The following TLCD4 variants were observed in gnomAD, a reference collection of about 807,000 sequenced individuals.
TLCD4 encodes the protein TLC domain containing 4.
TLCD4 carries 7 observed loss-of-function variants against 24.2 expected under a neutral mutation model. That is an observed-to-expected ratio of 0.29 (90% CI 0.16 to 0.54). The LOEUF (loss-of-function observed/expected upper bound fraction) is 0.54. Among genes scored for constraint, TLCD4 ranks in the 20% least tolerant of loss-of-function variants. TLCD4 has a pLI of 0.95. For synonymous variants in TLCD4, 103 were observed against 106.4 expected (o/e 0.97, Z 0.20); for missense variants, 259 against 313.9 (o/e 0.82, Z 1.32).
Position 95,191,803 on chromosome 1 carries a change from A to G in TLCD4, c.727A>G (p.Lys243Glu). ...WMIKISKGCI[K>E]VISHIRQEKA... ...GATCAAAATTTCAAAAGGTTGCATC[A>G]AAGTCATCTCTCACATCAGACAAGA... is the stretch of plus-strand genomic sequence containing the variant. The change falls in exon 7 of 7, where the codon AAA becomes GAA. Residue 243 changes from lysine to glutamate, a missense_variant. Physicochemically the swap from Lys to Glu is moderately conservative, Grantham distance 56. Transcript: ENST00000370203. 1 of 1,614,216 alleles carries G rather than the reference A, an allele frequency of 6.2e-7. No individual in the cohort carries two copies. Among genetic ancestry groups the G allele is most frequent in the Non-Finnish European group, 8.5e-7 (1 of 1,180,026 alleles).
chr1:95,129,018 A>G (rs554562352), intron 1 of TLCD4, among the ~76,000 whole-genome samples: 1 of 152,320 alleles, frequency 6.6e-6, no homozygotes, highest in Admixed American at 6.5e-5. Context: ...CTGAGAGTGG[A>G]TGACACAGAG....
intron 5 of TLCD4, among the ~76,000 whole-genome samples, chr1:95,166,686 A>G: frequency 6.6e-6 from 1 of 152,166 alleles, no homozygotes; most frequent in Admixed American, 6.5e-5. Context: ...GCAGGAAGGA[A>G]TAGGCCGTTT....
Position 95,145,384 on chromosome 1 carries a change from G to GAATTTA in TLCD4, c.155+1330_155+1335dup, listed in dbSNP as rs1261494623. Among the ~76,000 whole-genome samples the GAATTTA allele has an allele frequency of 3.9e-5, 6 of 152,142 alleles. No homozygotes were observed. The South Asian group carries it at 6.2e-4, about 16-fold the overall frequency. ...CATCTACTTTTATGATTCAGACTGT[G>GAATTTA]AATTTAATAAGACTCTAGTTGTTTT... On this transcript the variant is annotated intron_variant, in intron 2 of 6. Coordinates refer to ENST00000370203, the MANE Select transcript of TLCD4 (RefSeq NM_152487.3).
At chr1:95,118,242 T>A (rs1676483341) in intron 1 of TLCD4, among the ~76,000 whole-genome samples, 1 of 152,222 alleles carries the variant, frequency 6.6e-6, no homozygotes, top group Non-Finnish European at 1.5e-5. Context: ...AATTGGTTTC[T>A]ATTTCCATCT....
the TLCD4 span, among the ~76,000 whole-genome samples, chr1:95,100,968 C>T: frequency 1.3e-4 from 19 of 150,842 alleles, no homozygotes; most frequent in Middle Eastern, 6.9e-3. Flanking sequence ...AGTGCAGTGG[C>T]GCAATCTCAG....
chr1:95,093,737 C>A, the TLCD4 span, among the ~76,000 whole-genome samples: 1 of 152,208 alleles, frequency 6.6e-6, no homozygotes, highest in African/African-American at 2.4e-5. Flanking sequence ...AACCAGGATT[C>A]TCTTCTATGT....
chr1:95,105,819 C>G, the TLCD4 span, among the ~76,000 whole-genome samples: 1 of 142,446 alleles, frequency 7.0e-6, no homozygotes, highest in African/African-American at 2.5e-5. Context: ...GGCGTGAACC[C>G]GCGAGGCGGA....
Position 95,117,503 on chromosome 1 carries a change from C to A in TLCD4, c.-126C>A, listed in dbSNP as rs1261639810. ...TGAGCATCTCACCGGGCGGCACTGG[C>A]CAGCGCCAGCCCTCGGGCCGGCCCG... On this transcript the variant is annotated 5_prime_UTR_variant, in exon 1 of 7. Coordinates refer to ENST00000370203, the MANE Select transcript of TLCD4 (RefSeq NM_152487.3). The A allele has an allele frequency of 6.6e-6, 1 of 152,132 alleles. No individual in the cohort carries two copies. Among genetic ancestry groups the A allele is most frequent in the South Asian group, 2.1e-4 (1 of 4,836 alleles). The allele number at this position is 152,132 out of a possible 1,614,324, so 9.4% of individuals were successfully genotyped here.
chr1:95,160,777 T>C (rs1677769429), intron 5 of TLCD4, among the ~76,000 whole-genome samples: 1 of 152,230 alleles, frequency 6.6e-6, no homozygotes, highest in African/African-American at 2.4e-5. Flanking sequence ...TTTTCGTCTT[T>C]GGTTCTGTTT....
intron 5 of TLCD4, among the ~76,000 whole-genome samples, chr1:95,172,758 GT>G (rs1678273069): frequency 6.6e-6 from 1 of 151,900 alleles, no homozygotes. Context: ...GCTTCATATT[GT>G]TCTCATTTGG....
At position 95,195,204 on chromosome 1, in the gene TLCD4, G is replaced by A. The variant is rs1246487059; in HGVS notation, c.*3336G>A. ...TCCTCTGAGGCACACTGGGCATTTG[G>A]AGAATGGTTCTTCACTGGTGTAGAG... On this transcript the variant is annotated 3_prime_UTR_variant, in exon 7 of 7. Transcript: ENST00000370203. The A allele has an allele frequency of 1.3e-5, 2 of 152,138 alleles. No homozygotes were observed. Among genetic ancestry groups the A allele is most frequent in the Non-Finnish European group, 2.9e-5 (2 of 68,010 alleles). 9.4% of individuals were successfully genotyped at this position (152,138 alleles called of 1,614,324 possible).
chr1:95,138,849 G>T (rs1198819230), intron 1 of TLCD4, among the ~76,000 whole-genome samples: 2 of 151,986 alleles, frequency 1.3e-5, no homozygotes, highest in African/African-American at 4.8e-5. Context: ...AAGTATTTGT[G>T]TATCTAAACA....
At chr1:95,092,755 C>T in the TLCD4 span, among the ~76,000 whole-genome samples, 1 of 152,236 alleles carries the variant, frequency 6.6e-6, no homozygotes, top group East Asian at 1.9e-4. Context: ...TCCGCGGCTT[C>T]ATTCTTCAAG....
In TLCD4 at chr1:95,195,499, A is replaced by G. The variant is rs190973784; in HGVS notation, c.*3631A>G. ...TCTATTAGCTGAAATGGAAAAGTTC[A>G]TGTATTGACATCATCAATAATACTT... On this transcript the variant is annotated 3_prime_UTR_variant, in exon 7 of 7. Transcript: ENST00000370203. 6.6e-6 allele frequency: 1 copy of G among 152,344 alleles called. No homozygotes were observed. Among genetic ancestry groups the G allele is most frequent in the African/African-American group, 2.4e-5 (1 of 41,592 alleles). The allele number at this position is 152,344 out of a possible 1,614,324, so 9.4% of individuals were successfully genotyped here.
At chr1:95,114,019 C>G (rs1184748912), upstream of TLCD4, among the ~76,000 whole-genome samples, 1 of 152,028 alleles carries the variant, frequency 6.6e-6, no homozygotes, top group Non-Finnish European at 1.5e-5. Flanking sequence ...ATAGTTTCAT[C>G]TGAAAACAAA....
chr1:95,106,002 G>A, the TLCD4 span, among the ~76,000 whole-genome samples: 8 of 152,078 alleles, frequency 5.3e-5, no homozygotes, highest in Non-Finnish European at 1.2e-4. Flanking sequence ...GACACTGAAT[G>A]CTTCTGTGGG....
chr1:95,121,651 G>T (rs1676574855), intron 1 of TLCD4, among the ~76,000 whole-genome samples: 2 of 152,014 alleles, frequency 1.3e-5, no homozygotes, highest in South Asian at 4.1e-4. Flanking sequence ...TTGTATTTTT[G>T]GTAGAGACGG....
intron 6 of TLCD4, among the ~76,000 whole-genome samples, chr1:95,180,627 A>G (rs530347958): frequency 6.6e-6 from 1 of 152,296 alleles, no homozygotes; most frequent in East Asian, 1.9e-4. Flanking sequence ...TCTGCTGCTG[A>G]GTTATGCCCA....
intron 6 of TLCD4, among the ~76,000 whole-genome samples, chr1:95,182,419 A>T (rs2101010427): frequency 1.3e-5 from 2 of 152,292 alleles, no homozygotes; most frequent in Middle Eastern, 6.8e-3. Context: ...TTTATCATAC[A>T]GAATATTAAA....
Sources: allele counts gnomAD v4.1 joint callset (sites outside exome capture counted in the v4.1 genomes callset), GRCh38; gene constraint gnomAD v4.1.1; transcripts MANE v1.5; gene names NCBI Gene and HGNC (gene_info 2026-07-23, HGNC 2026-07-21).